Variants in TMC5 observed in about 807,000 individuals in gnomAD.
The protein encoded by TMC5 is transmembrane channel-like protein 5.
A neutral mutation model predicts 110.5 loss-of-function variants in TMC5; 86 were observed. The ratio of observed to expected loss-of-function variants is 0.78; its 90% CI spans 0.65 to 0.93. The LOEUF is 0.93. Among genes scored for constraint, TMC5 ranks in the 40% least tolerant of loss-of-function variants. The pLI, the probability that TMC5 is intolerant of heterozygous loss-of-function variation, is 0.00. For synonymous variants in TMC5, 455 were observed against 439.5 expected, an observed-to-expected ratio of 1.04 and a Z score of -0.44; for missense variants, 1,144 against 1,222.8, an observed-to-expected ratio of 0.94 and a Z score of 0.96.
intron 13 of TMC5, 59 bp from the exon 14 acceptor site, chr16:19,479,372 G>T: frequency 8.0e-7 from 1 of 1,257,050 alleles, no homozygotes; most frequent in Non-Finnish European, 1.2e-6. Context: ...CAGGAACAGA[G>T]GAGAATTGAG....
intron 1 of TMC5, among the ~76,000 whole-genome samples, chr16:19,421,188 AT>A (rs1039071066): frequency 2.0e-5 from 3 of 151,436 alleles, no homozygotes; most frequent in Admixed American, 6.6e-5. Context: ...GAACATGTTG[AT>A]TTTTTTTTCA....
chr16:19,451,995 C>A (rs111374072), intron 5 of TMC5, among the ~76,000 whole-genome samples: 1,579 of 152,122 alleles, frequency 0.01, 26 homozygotes, highest in African/African-American at 0.035. Flanking sequence ...GACGGGGTTT[C>A]GGCATTTTGG....
At chr16:19,496,999 A>ATC in intron 20 of TMC5, 122 bp from the exon 21 acceptor site, 1 of 901,888 alleles carries the variant, frequency 1.1e-6, no homozygotes, top group Admixed American at 2.1e-5. Flanking sequence ...CTTGGCCTTA[A>ATC]TCTCTCATCC....
chr16:19,494,189 T>C, intron 19 of TMC5, 73 bp from the exon 20 acceptor site: 3 of 1,239,928 alleles, frequency 2.4e-6, no homozygotes, highest in Non-Finnish European at 3.5e-6. Flanking sequence ...TTCCCATCAA[T>C]TGCTTTCTCA....
At chr16:19,489,287 A>G (rs1968826542) in intron 17 of TMC5, among the ~76,000 whole-genome samples, 1 of 152,052 alleles carries the variant, frequency 6.6e-6, no homozygotes, top group Non-Finnish European at 1.5e-5. Flanking sequence ...CAGCCTCCCG[A>G]GTAGCTGGGA....
rs1969014397 is a variant in TMC5 at position 19,495,008 on chromosome 16, ATTCT to A, written c.2931+645_2931+648del. Among the ~76,000 whole-genome samples the A allele has an allele frequency of 1.3e-4, 5 of 37,142 alleles. 1 individual carries two copies. Among genetic ancestry groups the A allele is most frequent in the Non-Finnish European group, 2.7e-4 (5 of 18,614 alleles). The allele number at this position is 37,142 out of a possible 152,430, so 24.4% of individuals were successfully genotyped here. A position where few individuals can be genotyped will look rare whatever the true frequency, so the allele number is the denominator to read the frequency against. Reference sequence around the variant, plus strand: ...TCTCACTATGAATACTTCAGTGTCTATTCTTTTTTTTTTTTTTTTTTTTTGAGAC... The same window carrying A: ...TCTCACTATGAATACTTCAGTGTCTATTTTTTTTTTTTTTTTTTTTGAGAC... On this transcript the variant is annotated intron_variant, in intron 20 of 21. Coordinates refer to ENST00000542583, the MANE Select transcript of TMC5 (RefSeq NM_001261841.2).
intron 1 of TMC5, among the ~76,000 whole-genome samples, chr16:19,422,627 T>C (rs2301211): frequency 0.49 from 74,959 of 151,860 alleles, 21,351 homozygotes; most frequent in South Asian, 0.71. Flanking sequence ...AGCCCAGGCA[T>C]TAGAAATCAG....
rs2151441773 is a variant in TMC5 at position 19,499,053 on chromosome 16, T to C, written c.*1087T>C. ...TCCAGCCTGGGCAACAGTGAGACTCTGCCTCAAAAAAATAAATAAATAAAT... is the reference window on the plus strand; with the variant it reads ...TCCAGCCTGGGCAACAGTGAGACTCCGCCTCAAAAAAATAAATAAATAAAT... On this transcript the variant is annotated 3_prime_UTR_variant, in exon 22 of 22. Coordinates refer to ENST00000542583, the MANE Select transcript of TMC5 (RefSeq NM_001261841.2). 1 of 136,328 alleles carries C rather than the reference T, an allele frequency of 7.3e-6. No individual in the cohort carries two copies. The highest frequency in any genetic ancestry group is 2.0e-4 in the East Asian group (1 of 4,888). The allele number at this position is 136,328 out of a possible 1,614,324, so 8.4% of individuals were successfully genotyped here.
chr16:19,438,441 G>GAAAGAAAGA (rs1967405218), intron 2 of TMC5, among the ~76,000 whole-genome samples: 1 of 143,618 alleles, frequency 7.0e-6, no homozygotes, highest in Non-Finnish European at 1.5e-5. Flanking sequence ...GAAAGAGAAA[G>GAAAGAAAGA]AAAGAAAGAA....
At chr16:19,475,201 C>T (rs1166449382) in intron 12 of TMC5, among the ~76,000 whole-genome samples, 1 of 152,146 alleles carries the variant, frequency 6.6e-6, no homozygotes, top group Admixed American at 6.5e-5. Context: ...GCAGGTGGAT[C>T]ACCTGAGGTC....
intron 2 of TMC5, among the ~76,000 whole-genome samples, chr16:19,437,489 G>A (rs887053469): frequency 1.3e-5 from 2 of 152,232 alleles, no homozygotes; most frequent in African/African-American, 4.8e-5. Flanking sequence ...AAATTTGGAT[G>A]TGGGTTGGCA....
intron 3 of TMC5, 125 bp downstream of exon 3, chr16:19,440,951 G>A (rs1967473867): frequency 1.0e-6 from 1 of 960,070 alleles, no homozygotes; most frequent in Non-Finnish European, 1.6e-6. Flanking sequence ...ACCTGAAGTT[G>A]TGGTGAAATG....
intron 18 of TMC5, among the ~76,000 whole-genome samples, chr16:19,491,598 C>T (rs1335270764): frequency 1.3e-5 from 2 of 148,642 alleles, no homozygotes; most frequent in Non-Finnish European, 3.0e-5. Context: ...TGCACTGGCG[C>T]GATCTCAGCA....
intron 15 of TMC5, among the ~76,000 whole-genome samples, chr16:19,484,704 T>C (rs577949475): frequency 3.3e-5 from 5 of 149,448 alleles, no homozygotes; most frequent in South Asian, 2.1e-4. Context: ...GAGGTTGTAG[T>C]GAGCCGAGAT....
chr16:19,481,438 A>G lies in TMC5; in HGVS notation c.2336A>G (p.Glu779Gly). The G allele has an allele frequency of 6.2e-7, 1 of 1,614,016 alleles. No individual in the cohort carries two copies. The stretch of plus-strand genomic sequence containing the variant: ...TTTGACATTGCCAGGAACGTTCTAG[A>G]ACTGATCTATGCACAAACTCTGGTG... ...QEFDIARNVL[E>G]LIYAQTLVWI... The change falls in exon 15 of 22, where the codon GAA (glutamate) becomes GGA (glycine). Residue 779 changes from glutamate to glycine, a missense_variant. Transcript: ENST00000542583.
intron 15 of TMC5, among the ~76,000 whole-genome samples, chr16:19,484,861 T>C (rs1017855059): frequency 6.6e-6 from 1 of 151,120 alleles, no homozygotes; most frequent in Non-Finnish European, 1.5e-5. Context: ...CAAAAACACA[T>C]CTTTTTTTTT....
intron 1 of TMC5, among the ~76,000 whole-genome samples, chr16:19,421,087 G>A (rs766733306): frequency 5.9e-5 from 9 of 152,120 alleles, no homozygotes; most frequent in Admixed American, 4.6e-4. Flanking sequence ...CACCTGGATC[G>A]CAAGGTTGTG....
intron 11 of TMC5, among the ~76,000 whole-genome samples, chr16:19,472,711 G>C (rs561252368): frequency 6.6e-6 from 1 of 152,216 alleles, no homozygotes; most frequent in African/African-American, 2.4e-5. Flanking sequence ...CCATTGTACA[G>C]ATGGAGAAAA....
chr16:19,465,639 T>G (rs1968168535), intron 8 of TMC5, among the ~76,000 whole-genome samples: 1 of 152,234 alleles, frequency 6.6e-6, no homozygotes, highest in African/African-American at 2.4e-5. Flanking sequence ...ACATCCTACC[T>G]TCTGGAATTG....
Sources: allele counts gnomAD v4.1 joint callset (sites outside exome capture counted in the v4.1 genomes callset), GRCh38; gene constraint gnomAD v4.1.1; transcripts MANE v1.5; gene names NCBI Gene and HGNC (gene_info 2026-07-23, HGNC 2026-07-21).